The following USP45 variants were observed in gnomAD, a reference collection of about 807,000 sequenced individuals.
The protein encoded by USP45 is ubiquitin specific peptidase 45, also known as ubiquitin carboxyl-terminal hydrolase 45.
A neutral mutation model predicts 95.8 loss-of-function variants in USP45; 89 were observed. The ratio of observed to expected loss-of-function variants is 0.93; its 90% CI spans 0.78 to 1.11. The LOEUF (loss-of-function observed/expected upper bound fraction) is 1.11. USP45 is among the 50% of genes least tolerant of loss of function. The probability of loss-of-function intolerance (pLI) is 0.00; values close to 1 mark genes in which losing one functional copy is unlikely to be tolerated. For synonymous variants in USP45, 281 were observed against 316.2 expected, an observed-to-expected ratio of 0.89 and a Z score of 1.18; for missense variants, 898 against 942.5, an observed-to-expected ratio of 0.95 and a Z score of 0.62.
chr6:99,456,442 C>A (rs908378149), intron 13 of USP45, among the ~76,000 whole-genome samples: 17 of 152,322 alleles, frequency 1.1e-4, no homozygotes, highest in African/African-American at 3.8e-4. Context: ...TGTGGGAAGT[C>A]AGGGACCCCA....
intron 13 of USP45, among the ~76,000 whole-genome samples, chr6:99,456,153 A>G (rs1785039265): frequency 6.6e-6 from 1 of 151,416 alleles, no homozygotes; most frequent in Non-Finnish European, 1.5e-5. Context: ...AAAAAAAAAA[A>G]AAAAGATCTC....
intron 7 of USP45, among the ~76,000 whole-genome samples, chr6:99,487,160 C>T (rs1354186067): frequency 1.3e-5 from 2 of 152,148 alleles, no homozygotes; most frequent in African/African-American, 4.8e-5. Context: ...ATAAATCTTA[C>T]ATATTGTGGC....
At chr6:99,489,760 A>G (rs2128735718) in intron 5 of USP45, among the ~76,000 whole-genome samples, 1 of 152,192 alleles carries the variant, frequency 6.6e-6, no homozygotes, top group East Asian at 1.9e-4. Flanking sequence ...CAGCCTGGCC[A>G]AGATGGTGAA....
At chr6:99,456,648 TCTTTA>T (rs1239893906) in intron 13 of USP45, among the ~76,000 whole-genome samples, 9 of 152,326 alleles carry the variant, frequency 5.9e-5, no homozygotes, top group South Asian at 2.1e-4. Context: ...CCTATGCCTG[TCTTTA>T]CTTTAATCTC....
At chr6:99,478,422 C>T (rs1013916397) in intron 8 of USP45, among the ~76,000 whole-genome samples, 5 of 151,824 alleles carry the variant, frequency 3.3e-5, no homozygotes, top group African/African-American at 9.7e-5. Context: ...TAAGGATTCC[C>T]AGGAAATGTA....
intron 5 of USP45, among the ~76,000 whole-genome samples, chr6:99,498,732 T>C (rs1369043736): frequency 3.3e-5 from 5 of 152,196 alleles, no homozygotes; most frequent in African/African-American, 1.2e-4. Flanking sequence ...TCATTCACTC[T>C]CAATTATACA....
At chr6:99,442,901 T>C (rs1781795622) in intron 15 of USP45, among the ~76,000 whole-genome samples, 1 of 151,894 alleles carries the variant, frequency 6.6e-6, no homozygotes, top group African/African-American at 2.4e-5. Flanking sequence ...ATAATTTGTT[T>C]TATACAATTA....
rs1583447040 is a variant in USP45 at position 99,504,488 on chromosome 6, T to C, written c.378-623A>G. 2.6e-5 allele frequency among the ~76,000 whole-genome samples: 4 copies of C among 152,136 alleles called. No homozygotes were observed. In the South Asian group the frequency reaches 6.2e-4, roughly 24 times the overall value. On this transcript the variant is annotated intron_variant, in intron 4 of 17. Coordinates refer to ENST00000500704, the MANE Select transcript of USP45 (RefSeq NM_001346022.3). The stretch of plus-strand genomic sequence containing the variant: ...ACTCTCACTAATGTGATAAACTAGA[T>C]TGGAGGGATTGGAGGGCATTAGGAA...
chr6:99,494,610 C>G (rs1795904272), intron 5 of USP45, among the ~76,000 whole-genome samples: 1 of 151,992 alleles, frequency 6.6e-6, no homozygotes, highest in Non-Finnish European at 1.5e-5. Flanking sequence ...AAACTGAGTT[C>G]AAGGCTGGGT....
At chr6:99,468,673 C>A (rs41288955) in intron 9 of USP45, 55 bp from the exon 10 acceptor site, 14 of 1,204,350 alleles carry the variant, frequency 1.2e-5, no homozygotes, top group Non-Finnish European at 6.0e-6. Flanking sequence ...CAGGCCTCAT[C>A]CTCCTAATAA....
At chr6:99,468,014 T>C in intron 10 of USP45, 1 of 379,838 alleles carries the variant, frequency 2.6e-6, no homozygotes, top group Non-Finnish European at 5.2e-6. Context: ...CCAACTTTGA[T>C]TAGGTAATCA....
At chr6:99,515,443 G>A (rs1178159466), upstream of USP45, 1 of 152,266 alleles carries the variant, frequency 6.6e-6, no homozygotes, top group Non-Finnish European at 1.5e-5. Flanking sequence ...GCGCCTGCGC[G>A]CTCGTCCCGC....
At chr6:99,512,852 T>TA (rs1350847068) in intron 1 of USP45, among the ~76,000 whole-genome samples, 3 of 152,130 alleles carry the variant, frequency 2.0e-5, no homozygotes, top group Non-Finnish European at 4.4e-5. Context: ...TTCCACCTTA[T>TA]AAAATCACTA....
intron 7 of USP45, 63 bp from the exon 8 acceptor site, chr6:99,482,946 C>T: frequency 7.4e-7 from 1 of 1,347,268 alleles, no homozygotes; most frequent in Middle Eastern, 1.9e-4. Flanking sequence ...TATTAAAAAT[C>T]TGTGAGTTAC....
At chr6:99,475,636 C>G (rs1358209409) in intron 9 of USP45, among the ~76,000 whole-genome samples, 1 of 151,766 alleles carries the variant, frequency 6.6e-6, no homozygotes, top group Admixed American at 6.6e-5. Context: ...TTTACTTAAG[C>G]TAGTTTAAAT....
intron 5 of USP45, among the ~76,000 whole-genome samples, chr6:99,501,416 A>C (rs1418697229): frequency 2.0e-5 from 3 of 152,182 alleles, no homozygotes; most frequent in Non-Finnish European, 4.4e-5. Context: ...TGACCAGCTC[A>C]TCTACCTCGT....
intron 7 of USP45, among the ~76,000 whole-genome samples, chr6:99,484,470 T>C (rs1357745100): frequency 6.6e-6 from 1 of 152,022 alleles, no homozygotes; most frequent in African/African-American, 2.4e-5. Flanking sequence ...GAATGAGCCA[T>C]GGTGCTCGGC....
intron 10 of USP45, 140 bp from the exon 11 acceptor site, chr6:99,466,903 C>T: frequency 3.3e-6 from 2 of 615,170 alleles, no homozygotes; most frequent in Non-Finnish European, 5.6e-6. Context: ...ACTATACATA[C>T]AACATTCTAA....
chr6:99,503,533 T>C (rs375843272), intron 5 of USP45, among the ~76,000 whole-genome samples: 2 of 152,112 alleles, frequency 1.3e-5, no homozygotes, highest in African/African-American at 2.4e-5. Context: ...GGTTTCACCA[T>C]GTTGGCCAGG....
Sources: gnomAD v4.1 joint callset for allele counts (sites outside exome capture counted in the v4.1 genomes callset) on GRCh38, gnomAD v4.1.1 for gene constraint, MANE v1.5 for transcripts, NCBI Gene and HGNC (gene_info 2026-07-23, HGNC 2026-07-21) for gene names.